Variants in MYO16 observed in about 807,000 individuals in gnomAD.
The protein encoded by MYO16 is unconventional myosin-XVI.
MYO16 carries 94 observed loss-of-function variants against 205.3 expected under a neutral mutation model. That is an observed-to-expected ratio of 0.46 (90% confidence interval 0.39 to 0.54). The LOEUF (loss-of-function observed/expected upper bound fraction) is 0.54, where lower values mean the gene tolerates loss of function less well. Ranked by LOEUF, MYO16 falls within the 20% of genes least tolerant of loss-of-function variation. The probability of loss-of-function intolerance (pLI) is 0.00; values close to 1 mark genes in which losing one functional copy is unlikely to be tolerated. For missense variants in MYO16, 2,315 were observed against 2,387.5 expected (o/e 0.97, Z 0.63); for synonymous variants, 988 against 954.0 (o/e 1.04, Z -0.66).
rs1054640977 is a variant in MYO16, at chr13:108,830,374, T to C, written c.1097+7096T>C. 7.9e-4 allele frequency among the ~76,000 whole-genome samples: 115 copies of C among 144,912 alleles called. 1 individual carries two copies. The highest frequency in any genetic ancestry group is 1.5e-3 in the Non-Finnish European group (100 of 65,594). ...TGGAACCAACCCAAATGTCCAACAATGATAGACTGGATTAACAAAATGTGG... is the reference window on the plus strand; with the variant it reads ...TGGAACCAACCCAAATGTCCAACAACGATAGACTGGATTAACAAAATGTGG... On this transcript the variant is annotated intron_variant, in intron 9 of 34. Transcript: ENST00000457511.
intron 19 of MYO16, among the ~76,000 whole-genome samples, chr13:108,963,542 C>T (rs1169080913): frequency 6.6e-6 from 1 of 152,142 alleles, no homozygotes; most frequent in Non-Finnish European, 1.5e-5. Context: ...CCTCTTTTAT[C>T]TCACCTTATC....
At chr13:108,905,961 G>A (rs377092870) in intron 15 of MYO16, among the ~76,000 whole-genome samples, 2 of 152,192 alleles carry the variant, frequency 1.3e-5, no homozygotes, top group African/African-American at 2.4e-5. Context: ...TAGTCCTTAC[G>A]AGCCACAAGG....
At position 109,125,006 on chromosome 13, in the gene MYO16, C is replaced by A; in HGVS notation, c.3536-106C>A. 1.6e-6 allele frequency: 2 copies of A among 1,230,948 alleles called. No individual in the cohort carries two copies. The highest frequency in any genetic ancestry group is 2.3e-6 in the Non-Finnish European group (2 of 881,020). The allele number at this position is 1,230,948 out of a possible 1,614,324, so 76.3% of individuals were successfully genotyped here. On this transcript the variant is annotated intron_variant, in intron 29 of 34. Transcript: ENST00000457511. The surrounding 1 kb of genome is among the most constrained non-coding windows in gnomAD (Gnocchi z 4.0). ...AAGTCTTATTCTGGGTTAAATGTAC[C>A]TTATTCTACAACTGCTCAGAGATAA... is the stretch of plus-strand genomic sequence containing the variant.
At chr13:109,173,820 A>G (rs1406261461) in intron 33 of MYO16, among the ~76,000 whole-genome samples, 5 of 139,942 alleles carry the variant, frequency 3.6e-5, no homozygotes, top group Non-Finnish European at 6.1e-5. Flanking sequence ...CCTGGGAGGC[A>G]GAGCTTGCAG....
intron 4 of MYO16, among the ~76,000 whole-genome samples, chr13:108,768,223 C>T (rs754265802): frequency 2.0e-5 from 3 of 152,152 alleles, no homozygotes; most frequent in Non-Finnish European, 2.9e-5. Context: ...CACTCCTCGG[C>T]TCCTTTGTGT....
At chr13:108,526,134 G>A in the MYO16 span, among the ~76,000 whole-genome samples, 5 of 151,978 alleles carry the variant, frequency 3.3e-5, no homozygotes, top group African/African-American at 1.2e-4. Context: ...CTTTTTCTTG[G>A]AAGCATATGT....
At chr13:108,592,342 T>A, upstream of MYO16, among the ~76,000 whole-genome samples, 1 of 112,730 alleles carries the variant, frequency 8.9e-6, no homozygotes, top group Non-Finnish European at 1.8e-5. Flanking sequence ...GGACTGTGTG[T>A]GGGATGTGTG....
intron 24 of MYO16, among the ~76,000 whole-genome samples, chr13:109,047,711 A>G (rs1397408737): frequency 2.0e-5 from 3 of 152,150 alleles, no homozygotes; most frequent in African/African-American, 7.2e-5. Flanking sequence ...TGCATCTTGT[A>G]TGCTTTAAGT....
intron 16 of MYO16, among the ~76,000 whole-genome samples, chr13:108,915,941 G>A (rs1256656524): frequency 6.6e-6 from 1 of 152,156 alleles, no homozygotes; most frequent in African/African-American, 2.4e-5. Context: ...GGGAAGCCAC[G>A]GCAAGCAGCT....
In MYO16 at chr13:108,806,168, A is replaced by G. The variant is rs368662761; in HGVS notation, c.742-511A>G. Among the ~76,000 whole-genome samples the G allele has an allele frequency of 3.0e-4, 45 of 152,216 alleles. 4 individuals carry two copies. The East Asian group carries it at 7.7e-3, about 26-fold the overall frequency. ...GAGAATGTTACAATGGTAGCTACAC[A>G]ATCATTTTTAAGCCGCCGGGATTAG... On this transcript the variant is annotated intron_variant, in intron 6 of 34. Coordinates refer to ENST00000457511, the MANE Select transcript of MYO16 (RefSeq NM_001198950.3).
chr13:109,000,845 A>G (rs1425221360), intron 21 of MYO16, among the ~76,000 whole-genome samples: 2 of 152,128 alleles, frequency 1.3e-5, no homozygotes, highest in Non-Finnish European at 2.9e-5. Context: ...TTGTCAATAA[A>G]TTTAGCCAGT....
chr13:109,041,868 T>A (rs1436768802), intron 23 of MYO16, among the ~76,000 whole-genome samples: 2 of 151,934 alleles, frequency 1.3e-5, no homozygotes, highest in Admixed American at 6.6e-5. Context: ...TGCCTTTTTT[T>A]TTTTTTTTCC....
intron 4 of MYO16, among the ~76,000 whole-genome samples, chr13:108,759,603 C>A (rs781753967): frequency 6.6e-6 from 1 of 152,020 alleles, no homozygotes; most frequent in Non-Finnish European, 1.5e-5. Flanking sequence ...GGGCGGATCA[C>A]GAGGTCAGGA....
chr13:108,940,795 T>C lies in MYO16; in HGVS notation c.1926-16893T>C, dbSNP rs183912643. 3.7e-3 allele frequency among the ~76,000 whole-genome samples: 566 copies of C among 152,324 alleles called. 5 individuals carry two copies. Among genetic ancestry groups the C allele is most frequent in the African/African-American group, 0.013 (532 of 41,564 alleles). ...GCCTGTTAGCCTCTCTGGTATTCTCTGGAAGTGCAGAATTGTATATACTAT... is the reference window on the plus strand; with the variant it reads ...GCCTGTTAGCCTCTCTGGTATTCTCCGGAAGTGCAGAATTGTATATACTAT... On this transcript the variant is annotated intron_variant, in intron 16 of 34. Coordinates refer to ENST00000457511, the MANE Select transcript of MYO16 (RefSeq NM_001198950.3).
At chr13:108,694,204 A>T (rs1223184473) in intron 2 of MYO16, among the ~76,000 whole-genome samples, 1 of 152,126 alleles carries the variant, frequency 6.6e-6, no homozygotes, top group Non-Finnish European at 1.5e-5. Context: ...CTAGCACCTG[A>T]TATTTTTTGA....
intron 4 of MYO16, among the ~76,000 whole-genome samples, chr13:108,728,659 G>T (rs1357979326): frequency 6.6e-6 from 1 of 152,188 alleles, no homozygotes; most frequent in African/African-American, 2.4e-5. Flanking sequence ...TTCTGTGTCA[G>T]TGTGTCCAAA....
chr13:109,136,340 G>A (rs1388629939), intron 31 of MYO16, among the ~76,000 whole-genome samples: 8 of 152,140 alleles, frequency 5.3e-5, no homozygotes, highest in Admixed American at 2.0e-4. Flanking sequence ...TGATCTGCCC[G>A]CCTCGGCCTC....
At chr13:108,622,590 T>A (rs370341159) in intron 1 of MYO16, among the ~76,000 whole-genome samples, 11 of 138,402 alleles carry the variant, frequency 7.9e-5, no homozygotes, top group African/African-American at 2.8e-4. Flanking sequence ...TTTATGGGAG[T>A]GTGAAGTATG....
chr13:109,052,359 C>G lies in MYO16; in HGVS notation c.2932C>G (p.Leu978Val). ...FQSKLSQTGS[L>V]VSAYPSFKFR... ...GTCGAAATTGTCACAAACAGGATCC[C>G]TCGTATCTGCCTATCCTTCCTTTAA... The change falls in exon 25 of 35, where the codon CTC becomes GTC. Residue 978 changes from leucine to valine, a missense_variant. This residue lies in a region of MYO16 where 1,213 missense variants were observed against 1,274.4 expected (regional missense o/e 0.95). Transcript: ENST00000457511. 1.9e-6 allele frequency: 3 copies of G among 1,613,076 alleles called. No homozygotes were observed. The South Asian group carries it at 3.3e-5, about 18-fold the overall frequency.
Sources: gnomAD v4.1 joint callset for allele counts (sites outside exome capture counted in the v4.1 genomes callset) on GRCh38, gnomAD v4.1.1 for gene constraint, gnomAD v4.1.1 regional missense constraint, Gnocchi (gnomAD v3.1) non-coding constraint, MANE v1.5 for transcripts, NCBI Gene and HGNC (gene_info 2026-07-23, HGNC 2026-07-21) for gene names.